PTPRD: variants seen among roughly 807,000 people sequenced by gnomAD.
PTPRD encodes receptor-type tyrosine-protein phosphatase delta.
Under a neutral mutation model 214.5 loss-of-function variants are expected in PTPRD, and 34 were observed. The ratio of observed to expected loss-of-function variants is 0.16; its 90% CI spans 0.12 to 0.21. The LOEUF (loss-of-function observed/expected upper bound fraction) is 0.21, where lower values mean the gene tolerates loss of function less well. PTPRD is among the 10% of genes least tolerant of loss of function. The pLI is 1.00. For missense variants in PTPRD, 2,545 were observed against 2,398.7 expected, an observed-to-expected ratio of 1.06 and a Z score of -1.27; for synonymous variants, 1,128 against 845.7, an observed-to-expected ratio of 1.33 and a Z score of -5.79.
intron 37 of PTPRD, 87 bp downstream of exon 37, chr9:8,389,145 G>C (rs1011772810): frequency 1.4e-5 from 16 of 1,163,442 alleles, no homozygotes; most frequent in Middle Eastern, 2.6e-4. Context: ...CTTAGGGAAA[G>C]GTTAGATTCT....
At chr9:8,658,186 C>T (rs1052076367) in intron 12 of PTPRD, among the ~76,000 whole-genome samples, 24 of 152,132 alleles carry the variant, frequency 1.6e-4, no homozygotes, top group African/African-American at 5.6e-4. Flanking sequence ...CCACAGATAA[C>T]ATGTATAACA....
At chr9:9,609,826 G>C (rs1175558417) in intron 7 of PTPRD, among the ~76,000 whole-genome samples, 2 of 152,110 alleles carry the variant, frequency 1.3e-5, no homozygotes. Context: ...TAGGCTGGTG[G>C]GTTGTGTTTT....
chr9:9,309,433 A>G (rs1958195663), intron 9 of PTPRD, among the ~76,000 whole-genome samples: 1 of 152,180 alleles, frequency 6.6e-6, no homozygotes, highest in African/African-American at 2.4e-5. Context: ...AGCTGCTAGA[A>G]TTGTCTACTT....
Position 8,456,589 on chromosome 9 carries a change from T to C in PTPRD, c.3875+3822A>G, listed in dbSNP as rs577737777. ...GCATCTCAAAATATTCTGGACTGCATTTCCTTGATGAGGGCTTGGAACTGT... is the reference window on the plus strand; with the variant it reads ...GCATCTCAAAATATTCTGGACTGCACTTCCTTGATGAGGGCTTGGAACTGT... On this transcript the variant is annotated intron_variant, in intron 33 of 45. Transcript: ENST00000381196. Among the ~76,000 whole-genome samples, 176 of 152,248 alleles carry C rather than the reference T, an allele frequency of 1.2e-3. 2 individuals carry two copies. Among genetic ancestry groups the C allele is most frequent in the South Asian group, 9.3e-3 (45 of 4,820 alleles).
intron 7 of PTPRD, among the ~76,000 whole-genome samples, chr9:9,722,352 T>C (rs1214114438): frequency 2.0e-5 from 3 of 152,062 alleles, no homozygotes; most frequent in African/African-American, 7.2e-5. Context: ...TTCTTTCAAA[T>C]AGAATAATGT....
rs553848809 is a variant in PTPRD, at chr9:8,648,885, T to C, written c.65-12041A>G. Among the ~76,000 whole-genome samples, 6 of 152,338 alleles carry C rather than the reference T, an allele frequency of 3.9e-5. No homozygotes were observed. The South Asian group carries it at 1.2e-3, about 32-fold the overall frequency. ...TTTCAAAGCAGATTCATTTACATCA[T>C]CCACTGCTAATTTACTCATTAATCA... is the stretch of plus-strand genomic sequence containing the variant. On this transcript the variant is annotated intron_variant, in intron 12 of 45. Transcript: ENST00000381196.
intron 5 of PTPRD, among the ~76,000 whole-genome samples, chr9:9,894,486 C>T (rs545808458): frequency 6.6e-6 from 1 of 152,032 alleles, no homozygotes; most frequent in Admixed American, 6.6e-5. Context: ...TTTCATCCTG[C>T]CAGTTTTCCT....
intron 7 of PTPRD, among the ~76,000 whole-genome samples, chr9:9,643,039 A>G (rs181804977): frequency 1.3e-5 from 2 of 152,358 alleles, no homozygotes; most frequent in Admixed American, 6.5e-5. Context: ...TTGCTAAAAT[A>G]TGAGTTTCCA....
chr9:9,890,120 C>G (rs1258434195), intron 5 of PTPRD, among the ~76,000 whole-genome samples: 1 of 151,960 alleles, frequency 6.6e-6, no homozygotes, highest in Non-Finnish European at 1.5e-5. Context: ...AGTAATGATT[C>G]CCTTTATATG....
intron 4 of PTPRD, among the ~76,000 whole-genome samples, chr9:9,972,588 T>TA (rs1384044354): frequency 9.9e-5 from 15 of 152,188 alleles, no homozygotes; most frequent in African/African-American, 3.6e-4. Context: ...ACAAATATAG[T>TA]AGCTTGAAAG....
intron 9 of PTPRD, among the ~76,000 whole-genome samples, chr9:9,369,737 G>C (rs1344224871): frequency 1.3e-5 from 2 of 152,118 alleles, no homozygotes; most frequent in Non-Finnish European, 1.5e-5. Context: ...GATTTTTATG[G>C]TTTTAGGTCT....
At chr9:9,947,452 T>TA (rs1438365237) in intron 4 of PTPRD, among the ~76,000 whole-genome samples, 8 of 14,854 alleles carry the variant, frequency 5.4e-4, no homozygotes, top group East Asian at 0.1. Context: ...ATTTTATATA[T>TA]TTTTATATAT....
intron 3 of PTPRD, among the ~76,000 whole-genome samples, chr9:10,330,350 A>G (rs1297320106): frequency 6.6e-6 from 1 of 151,818 alleles, no homozygotes; most frequent in Non-Finnish European, 1.5e-5. Flanking sequence ...GCAGAGAATA[A>G]AGGCAAGTTG....
chr9:9,512,636 G>T (rs2096737264), intron 8 of PTPRD, among the ~76,000 whole-genome samples: 1 of 151,686 alleles, frequency 6.6e-6, no homozygotes, highest in South Asian at 2.1e-4. Context: ...ATGGCATCTT[G>T]TATTCACAGG....
intron 4 of PTPRD, among the ~76,000 whole-genome samples, chr9:9,949,046 G>A (rs1026955443): frequency 7.2e-5 from 11 of 152,000 alleles, no homozygotes; most frequent in South Asian, 2.1e-4. Context: ...GAGAAAACAA[G>A]ATGTAGAGCA....
intron 10 of PTPRD, among the ~76,000 whole-genome samples, chr9:9,038,313 C>A (rs1418853878): frequency 6.6e-6 from 1 of 152,130 alleles, no homozygotes; most frequent in Non-Finnish European, 1.5e-5. Flanking sequence ...TTGGTCTAGG[C>A]TGGCTGGTCC....
intron 5 of PTPRD, among the ~76,000 whole-genome samples, chr9:9,887,175 C>G (rs146969576): frequency 1.2e-4 from 18 of 152,062 alleles, no homozygotes; most frequent in African/African-American, 3.6e-4. Context: ...CATATTTTTT[C>G]TCAATTAGAA....
chr9:8,672,458 C>A (rs1284662072), intron 12 of PTPRD, among the ~76,000 whole-genome samples: 1 of 152,092 alleles, frequency 6.6e-6, no homozygotes, highest in East Asian at 1.9e-4. Context: ...TGTAATCTTT[C>A]GTGCTTTATT....
At chr9:10,156,487 G>A (rs1225041649) in intron 3 of PTPRD, among the ~76,000 whole-genome samples, 1 of 152,082 alleles carries the variant, frequency 6.6e-6, no homozygotes, top group African/African-American at 2.4e-5. Context: ...TATTGTGTGT[G>A]CTGTGGTCCA....
Sources: allele counts gnomAD v4.1 joint callset (sites outside exome capture counted in the v4.1 genomes callset), GRCh38; gene constraint gnomAD v4.1.1; transcripts MANE v1.5; gene names NCBI Gene and HGNC (gene_info 2026-07-23, HGNC 2026-07-21).